KCNG3: variants seen among roughly 807,000 people sequenced by gnomAD.
KCNG3 encodes potassium voltage-gated channel modifier subfamily G member 3.
Under a neutral mutation model 29.0 loss-of-function variants are expected in KCNG3, and 15 were observed. The observed-to-expected ratio is 0.52, with a 90% confidence interval of 0.35 to 0.80. The LOEUF (loss-of-function observed/expected upper bound fraction) is 0.80, where lower values mean the gene tolerates loss of function less well. Ranked by LOEUF, KCNG3 falls within the 30% of genes least tolerant of loss-of-function variation. The pLI is 0.01. For synonymous variants in KCNG3, 322 were observed against 248.9 expected (o/e 1.29, Z -2.76); for missense variants, 512 against 605.7 (o/e 0.85, Z 1.62).
Position 42,444,605 on chromosome 2 carries a change from G to A in KCNG3, c.666-26C>T. The stretch of plus-strand genomic sequence containing the variant: ...CTGTCAAGAGAACAAAAGAAGAATT[G>A]ATCATTTTATTTTTAAGCATTTTAA... On this transcript the variant is annotated intron_variant, in intron 1 of 1. Coordinates refer to ENST00000306078, the MANE Select transcript of KCNG3 (RefSeq NM_133329.6). This position sits in a 1 kb window ranked among gnomAD's most constrained non-coding sequence, Gnocchi z 5.8. 1 of 1,570,424 alleles carries A rather than the reference G, an allele frequency of 6.4e-7. No individual in the cohort carries two copies. The highest frequency in any genetic ancestry group is 8.6e-7 in the Non-Finnish European group (1 of 1,158,126).
chr2:42,428,351 C>T, the KCNG3 span, among the ~76,000 whole-genome samples: 1 of 150,862 alleles, frequency 6.6e-6, no homozygotes, highest in East Asian at 2.0e-4. Context: ...ATCCCAGCTA[C>T]TCAGGAGGCT....
At chr2:42,401,108 T>C in the KCNG3 span, among the ~76,000 whole-genome samples, 7 of 150,364 alleles carry the variant, frequency 4.7e-5, no homozygotes, top group African/African-American at 1.7e-4. Context: ...TATACACTTG[T>C]CTATATGTAT....
At chr2:42,431,444 A>T in the KCNG3 span, among the ~76,000 whole-genome samples, 15 of 152,314 alleles carry the variant, frequency 9.8e-5, no homozygotes, top group Middle Eastern at 6.8e-3. Context: ...TAGAACATTC[A>T]CAAGATTTAT....
intron 1 of KCNG3, among the ~76,000 whole-genome samples, chr2:42,482,785 C>CA (rs1410768118): frequency 1.3e-5 from 2 of 151,772 alleles, no homozygotes; most frequent in Non-Finnish European, 2.9e-5. Flanking sequence ...GTAAATATCC[C>CA]AAAAACCACT....
chr2:42,445,634 C>T (rs911536271), intron 1 of KCNG3, among the ~76,000 whole-genome samples: 1 of 152,226 alleles, frequency 6.6e-6, no homozygotes, highest in Non-Finnish European at 1.5e-5. Flanking sequence ...TAAAAGACCA[C>T]ATTTTACCTA....
At chr2:42,472,179 G>T (rs929314357) in intron 1 of KCNG3, among the ~76,000 whole-genome samples, 2 of 152,140 alleles carry the variant, frequency 1.3e-5, no homozygotes, top group African/African-American at 4.8e-5. Context: ...ACTATTCATT[G>T]CAGCACTACA....
At chr2:42,431,361 G>C in the KCNG3 span, among the ~76,000 whole-genome samples, 1 of 151,564 alleles carries the variant, frequency 6.6e-6, no homozygotes, top group Non-Finnish European at 1.5e-5. Context: ...TAAAAATGTA[G>C]TGTGCCCAAA....
At chr2:42,473,302 G>A (rs1572857691) in intron 1 of KCNG3, among the ~76,000 whole-genome samples, 1 of 151,810 alleles carries the variant, frequency 6.6e-6, no homozygotes, top group Admixed American at 6.6e-5. Flanking sequence ...ACTTTATAAT[G>A]ACTTTTATGC....
At chr2:42,416,808 T>A in the KCNG3 span, among the ~76,000 whole-genome samples, 1 of 138,384 alleles carries the variant, frequency 7.2e-6, no homozygotes, top group Non-Finnish European at 1.6e-5. Flanking sequence ...ACAGAGTGAG[T>A]CCCCTGTCTC....
At chr2:42,412,524 T>C in the KCNG3 span, among the ~76,000 whole-genome samples, 7 of 152,238 alleles carry the variant, frequency 4.6e-5, no homozygotes, top group African/African-American at 1.7e-4. Flanking sequence ...ATTATGATTG[T>C]AAATTTGTCA....
At chr2:42,429,913 C>G in the KCNG3 span, among the ~76,000 whole-genome samples, 1 of 152,200 alleles carries the variant, frequency 6.6e-6, no homozygotes, top group African/African-American at 2.4e-5. Flanking sequence ...CCACCAGACT[C>G]AGCCAGGCAG....
At chr2:42,436,474 G>T in the KCNG3 span, among the ~76,000 whole-genome samples, 1 of 152,146 alleles carries the variant, frequency 6.6e-6, no homozygotes, top group Non-Finnish European at 1.5e-5. Context: ...ACTCTTGCTA[G>T]ATAGACTAAA....
At chr2:42,389,326 C>A in the KCNG3 span, among the ~76,000 whole-genome samples, 4 of 152,166 alleles carry the variant, frequency 2.6e-5, no homozygotes, top group African/African-American at 9.7e-5. Flanking sequence ...TTTGTAAATT[C>A]TTTGGCATGG....
At chr2:42,475,415 T>C (rs1572859118) in intron 1 of KCNG3, among the ~76,000 whole-genome samples, 1 of 151,690 alleles carries the variant, frequency 6.6e-6, no homozygotes, top group South Asian at 2.1e-4. Context: ...TGCAACCTCT[T>C]TCTCCCAGGT....
chr2:42,464,012 C>T (rs946995189), intron 1 of KCNG3: 2 of 247,878 alleles, frequency 8.1e-6, no homozygotes, highest in South Asian at 4.2e-5. Flanking sequence ...TGCTTAGAGG[C>T]GGTGGCAGTG....
chr2:42,396,658 A>G, the KCNG3 span, among the ~76,000 whole-genome samples: 2 of 152,180 alleles, frequency 1.3e-5, no homozygotes, highest in African/African-American at 4.8e-5. Flanking sequence ...CTAATCCTGG[A>G]AAGTTCACGC....
At chr2:42,403,621 CTTTTT>C in the KCNG3 span, among the ~76,000 whole-genome samples, 2 of 134,386 alleles carry the variant, frequency 1.5e-5, no homozygotes, top group African/African-American at 5.5e-5. Flanking sequence ...ACTTTTTTTT[CTTTTT>C]TTTTTTTTTT....
the KCNG3 span, among the ~76,000 whole-genome samples, chr2:42,398,738 C>T: frequency 6.6e-6 from 1 of 152,150 alleles, no homozygotes; most frequent in African/African-American, 2.4e-5. Context: ...GGGACAGGAG[C>T]CGGGCTCATT....
the KCNG3 span, among the ~76,000 whole-genome samples, chr2:42,417,857 A>G: frequency 1.2e-4 from 18 of 152,128 alleles, 1 homozygote; most frequent in South Asian, 3.7e-3. Flanking sequence ...CTGTAGTCCC[A>G]GCTACTTGGG....
Sources: allele counts gnomAD v4.1 joint callset (sites outside exome capture counted in the v4.1 genomes callset), GRCh38; gene constraint gnomAD v4.1.1; non-coding constraint Gnocchi (gnomAD v3.1); transcripts MANE v1.5; gene names NCBI Gene and HGNC (gene_info 2026-07-23, HGNC 2026-07-21).